Variants in ATP5MK observed in about 807,000 individuals in gnomAD.
The protein encoded by ATP5MK is ATP synthase membrane subunit k, also known as ATP synthase F(0) complex subunit k, mitochondrial.
ATP5MK carries 5 observed loss-of-function variants against 6.6 expected under a neutral mutation model. The ratio of observed to expected loss-of-function variants is 0.76; its 90% CI spans 0.40 to 1.60. The LOEUF is 1.60. Among genes scored for constraint, ATP5MK ranks in the 40% most tolerant of loss-of-function variants. The pLI, the probability that ATP5MK is intolerant of heterozygous loss-of-function variation, is 0.02. For synonymous variants in ATP5MK, 30 were observed against 24.5 expected (o/e 1.22, Z -0.66); for missense variants, 57 against 66.6 (o/e 0.86, Z 0.50).
chr10:103,392,064 G>C (rs891800545), intron 4 of ATP5MK, 127 bp downstream of exon 4: 9 of 773,962 alleles, frequency 1.2e-5, no homozygotes, highest in South Asian at 3.8e-5. Flanking sequence ...CTAGGCCTCT[G>C]TATTTTTTTT....
intron 2 of ATP5MK, among the ~76,000 whole-genome samples, chr10:103,393,626 C>T (rs997182027): frequency 1.3e-5 from 2 of 151,726 alleles, no homozygotes; most frequent in Admixed American, 6.6e-5. Context: ...ACTGGTACAA[C>T]CTTCAGAAAG....
In ATP5MK at chr10:103,392,222, T is replaced by C. The variant is rs2093416547; in HGVS notation, c.149A>G (p.Lys50Arg). 6.2e-7 allele frequency: 1 copy of C among 1,613,528 alleles called. No individual in the cohort carries two copies. The highest frequency in any genetic ancestry group is 1.3e-5 in the African/African-American group (1 of 74,906). The part of the protein sequence containing the change: ...LIVLYFKLRS[K>R]KTPAVKAT ...TGTTGCTTTCACAGCTGGAGTTTTT[T>C]TGGACCTTAACTTGAAATATAAGAC... The change falls in exon 4 of 5, where the codon AAA (lysine) becomes AGA (arginine). Residue 50 changes from lysine to arginine, a missense_variant. Physicochemically the swap from Lys to Arg is conservative, Grantham distance 26 (BLOSUM62 2). Coordinates refer to ENST00000369815, the MANE Select transcript of ATP5MK (RefSeq NM_001206427.2).
chr10:103,391,947 G>A (rs2093415786), intron 4 of ATP5MK, among the ~76,000 whole-genome samples: 1 of 152,134 alleles, frequency 6.6e-6, no homozygotes, highest in African/African-American at 2.4e-5. Flanking sequence ...TTTTGGTAGA[G>A]ATGGGGTTTC....
chr10:103,392,683 T>C (rs2093418130), intron 2 of ATP5MK, among the ~76,000 whole-genome samples: 2 of 152,202 alleles, frequency 1.3e-5, no homozygotes, highest in African/African-American at 4.8e-5. Context: ...TTGATCGCTA[T>C]TTCATGAACA....
At chr10:103,395,012 C>G (rs1211254589) in intron 2 of ATP5MK, among the ~76,000 whole-genome samples, 2 of 152,166 alleles carry the variant, frequency 1.3e-5, no homozygotes, top group African/African-American at 4.8e-5. Flanking sequence ...AAGACTAATT[C>G]TGATTGCAGG....
Sources: gnomAD v4.1 joint callset for allele counts (sites outside exome capture counted in the v4.1 genomes callset) on GRCh38, gnomAD v4.1.1 for gene constraint, MANE v1.5 for transcripts, NCBI Gene and HGNC (gene_info 2026-07-23, HGNC 2026-07-21) for gene names.